LRMDA: variants seen among roughly 807,000 people sequenced by gnomAD.
LRMDA encodes the protein leucine rich melanocyte differentiation associated, also known as leucine-rich melanocyte differentiation-associated protein.
In LRMDA, 18 loss-of-function variants were observed where a neutral mutation model predicts 29.8. That is an observed-to-expected ratio of 0.60 (90% CI 0.42 to 0.90). The LOEUF (loss-of-function observed/expected upper bound fraction) is 0.90, where lower values mean the gene tolerates loss of function less well. LRMDA is among the 40% of genes least tolerant of loss of function. LRMDA has a pLI of 0.00. For synonymous variants in LRMDA, 125 were observed against 109.4 expected, an observed-to-expected ratio of 1.14 and a Z score of -0.89; for missense variants, 273 against 273.9, an observed-to-expected ratio of 1.00 and a Z score of 0.02.
At chr10:75,718,930 T>C (rs993880111) in intron 2 of LRMDA, among the ~76,000 whole-genome samples, 1 of 152,236 alleles carries the variant, frequency 6.6e-6, no homozygotes, top group African/African-American at 2.4e-5. Flanking sequence ...AACCATTTAC[T>C]CCTATCCTGG....
rs929288344 is a variant in LRMDA at position 75,438,476 on chromosome 10, T to G, written c.113T>G (p.Leu38Arg). The G allele has an allele frequency of 9.7e-6, 15 of 1,550,616 alleles. No individual in the cohort carries two copies. The highest frequency in any genetic ancestry group is 1.3e-5 in the Non-Finnish European group (15 of 1,147,006). The change falls in exon 2 of 7, where the codon CTG (leucine) becomes CGG (arginine). Residue 38 changes from leucine (L) to arginine (R), a missense_variant. Transcript: ENST00000611255. ...DCGHFAKRLD[L>R]SFNLLRSLEG... The stretch of plus-strand genomic sequence containing the variant: ...GGACATTTCGCAAAGAGGCTTGATC[T>G]GAGCTTTAACCTTCTGAGGTATGTA...
intron 6 of LRMDA, among the ~76,000 whole-genome samples, chr10:76,381,021 CT>C (rs538112084): frequency 0.014 from 1,323 of 96,766 alleles, 8 homozygotes; most frequent in African/African-American, 0.042. Context: ...TTTATCTTTG[CT>C]TTTTTTTTTT....
At chr10:75,448,853 A>C (rs970434115) in intron 2 of LRMDA, among the ~76,000 whole-genome samples, 2 of 152,204 alleles carry the variant, frequency 1.3e-5, no homozygotes, top group African/African-American at 2.4e-5. Context: ...GACAGATGAC[A>C]TCAGAAGTCA....
At chr10:75,949,294 G>A (rs1471282478) in intron 2 of LRMDA, among the ~76,000 whole-genome samples, 1 of 152,210 alleles carries the variant, frequency 6.6e-6, no homozygotes, top group Admixed American at 6.5e-5. Context: ...ACATAAATCT[G>A]GGCCTCCATC....
intron 5 of LRMDA, among the ~76,000 whole-genome samples, chr10:76,319,400 A>G (rs2132391065): frequency 6.6e-6 from 1 of 152,326 alleles, no homozygotes; most frequent in Non-Finnish European, 1.5e-5. Flanking sequence ...GGGCGTAACT[A>G]CTGTTATAGG....
intron 2 of LRMDA, among the ~76,000 whole-genome samples, chr10:76,008,134 G>A (rs1847705582): frequency 6.6e-6 from 1 of 152,162 alleles, no homozygotes; most frequent in South Asian, 2.1e-4. Flanking sequence ...GAAGCCTCTG[G>A]AAAACTCCCA....
intron 5 of LRMDA, among the ~76,000 whole-genome samples, chr10:76,075,194 T>A (rs1419365214): frequency 6.6e-6 from 1 of 152,228 alleles, no homozygotes; most frequent in Non-Finnish European, 1.5e-5. Context: ...TCACCTCAGA[T>A]TGTGACTGCA....
At chr10:76,557,129 CAT>C in intron 6 of LRMDA, 78 bp from the exon 7 acceptor site, 1 of 1,102,622 alleles carries the variant, frequency 9.1e-7, no homozygotes, top group Non-Finnish European at 1.4e-6. Flanking sequence ...GATTATCTTG[CAT>C]GTCTGCTTTT....
intron 5 of LRMDA, among the ~76,000 whole-genome samples, chr10:76,304,050 T>A (rs1324160686): frequency 6.6e-6 from 1 of 152,180 alleles, no homozygotes; most frequent in Non-Finnish European, 1.5e-5. Flanking sequence ...CTTTGGTCCC[T>A]GGAGGAGCAC....
At chr10:75,859,626 CACACACACACACACACACACAT>C (rs1281152208) in intron 2 of LRMDA, among the ~76,000 whole-genome samples, 18 of 149,766 alleles carry the variant, frequency 1.2e-4, no homozygotes, top group African/African-American at 3.5e-4. Context: ...CACACACACA[CACACACACACACACACACACAT>C]ACATCTGGCC....
chr10:76,200,860 G>T (rs951135822), intron 5 of LRMDA, among the ~76,000 whole-genome samples: 3 of 150,926 alleles, frequency 2.0e-5, no homozygotes, highest in Non-Finnish European at 4.4e-5. Flanking sequence ...TGGGATTACA[G>T]GTGCCTGCCA....
intron 2 of LRMDA, among the ~76,000 whole-genome samples, chr10:75,901,074 A>G (rs1345991287): frequency 6.6e-6 from 1 of 152,174 alleles, no homozygotes; most frequent in Non-Finnish European, 1.5e-5. Context: ...AGAAAGAGAG[A>G]GAGGGAGACA....
intron 5 of LRMDA, among the ~76,000 whole-genome samples, chr10:76,097,526 C>G (rs1485876268): frequency 6.6e-6 from 1 of 152,180 alleles, no homozygotes; most frequent in Non-Finnish European, 1.5e-5. Context: ...GCCAGGCTAT[C>G]ACAACTAAGT....
chr10:76,253,568 T>C (rs1170668006), intron 5 of LRMDA, among the ~76,000 whole-genome samples: 1 of 151,808 alleles, frequency 6.6e-6, no homozygotes, highest in African/African-American at 2.4e-5. Context: ...TCATTCTAGG[T>C]AAAAAGATGT....
At chr10:76,107,152 T>A (rs765859438) in intron 5 of LRMDA, among the ~76,000 whole-genome samples, 5 of 152,226 alleles carry the variant, frequency 3.3e-5, no homozygotes, top group South Asian at 2.1e-4. Context: ...TGGCTGGGGC[T>A]GGATCACTTC....
intron 6 of LRMDA, among the ~76,000 whole-genome samples, chr10:76,367,908 T>G (rs950332215): frequency 2.0e-5 from 3 of 152,176 alleles, no homozygotes; most frequent in Admixed American, 2.0e-4. Context: ...ATAGTAGCCT[T>G]GAATGATCTT....
intron 5 of LRMDA, among the ~76,000 whole-genome samples, chr10:76,254,358 C>CCTATCCTATGCTATGCTATGCTATG (rs1554859388): frequency 1.5e-5 from 2 of 131,330 alleles, no homozygotes; most frequent in African/African-American, 5.6e-5. Flanking sequence ...CCTATCCTAT[C>CCTATCCTATGCTATGCTATGCTATG]CTATGCTATG....
At chr10:75,527,127 G>A (rs1845422720) in intron 2 of LRMDA, among the ~76,000 whole-genome samples, 1 of 152,144 alleles carries the variant, frequency 6.6e-6, no homozygotes, top group African/African-American at 2.4e-5. Context: ...GAATTATACA[G>A]TATGTGGTAT....
chr10:76,530,276 G>A (rs1843220013), intron 6 of LRMDA, among the ~76,000 whole-genome samples: 2 of 152,168 alleles, frequency 1.3e-5, no homozygotes. Context: ...ACCACAGGTT[G>A]TGATAGATTT....
Sources: allele counts gnomAD v4.1 joint callset (sites outside exome capture counted in the v4.1 genomes callset), GRCh38; gene constraint gnomAD v4.1.1; transcripts MANE v1.5; gene names NCBI Gene and HGNC (gene_info 2026-07-23, HGNC 2026-07-21).